Variants in DNAH12 observed in about 807,000 individuals in gnomAD.
DNAH12 encodes axonemal beta dynein heavy chain 12.
In DNAH12, 285 loss-of-function variants were observed where a neutral mutation model predicts 371.5. That is an observed-to-expected ratio of 0.77 (90% CI 0.70 to 0.85). The LOEUF is 0.85. Among genes scored for constraint, DNAH12 ranks in the 40% least tolerant of loss-of-function variants. DNAH12 has a pLI of 0.00. For synonymous variants in DNAH12, 1,200 were observed against 1,213.0 expected, an observed-to-expected ratio of 0.99 and a Z score of 0.22; for missense variants, 3,611 against 3,689.4, an observed-to-expected ratio of 0.98 and a Z score of 0.55.
chr3:57,408,153 T>G, intron 40 of DNAH12, 127 bp downstream of exon 40: 2 of 1,058,946 alleles, frequency 1.9e-6, no homozygotes, highest in East Asian at 5.9e-5. Flanking sequence ...GATCTTCCTA[T>G]TCTCTGGTCT....
At position 57,530,572 on chromosome 3, in the gene DNAH12, C is replaced by A. The variant is rs569264682; in HGVS notation, c.171-6688G>T. 8.1e-5 allele frequency: 54 copies of A among 664,704 alleles called. No homozygotes were observed. In the African/African-American group the frequency reaches 9.3e-4, roughly 11 times the overall value. The allele number at this position is 664,704 out of a possible 1,614,324, so 41.2% of individuals were successfully genotyped here. On this transcript the variant is annotated intron_variant, in intron 2 of 73. Transcript: ENST00000495027. The stretch of plus-strand genomic sequence containing the variant: ...GATTGTTTTTTGTTTAAAATCTCTT[C>A]CTCCTCAGGAGTCAGCTTGGCCCCC...
chr3:57,500,714 T>C (rs904676520), intron 11 of DNAH12, among the ~76,000 whole-genome samples: 2 of 152,176 alleles, frequency 1.3e-5, no homozygotes, highest in East Asian at 1.9e-4. Context: ...AGTTGTTATT[T>C]CCGTGTCAGG....
At chr3:57,440,533 G>A (rs1254370383) in intron 29 of DNAH12, among the ~76,000 whole-genome samples, 2 of 152,298 alleles carry the variant, frequency 1.3e-5, no homozygotes, top group East Asian at 1.9e-4. Context: ...AAGGGGAAGA[G>A]AGAGGGAGGG....
At chr3:57,309,370 G>A (rs1022685944) in intron 68 of DNAH12, 116 bp from the exon 69 acceptor site, 20 of 812,458 alleles carry the variant, frequency 2.5e-5, no homozygotes, top group African/African-American at 8.7e-5. Flanking sequence ...AGCTCATAAC[G>A]TACAGTAATG....
chr3:57,500,238 G>A (rs191664423), intron 11 of DNAH12, among the ~76,000 whole-genome samples: 3 of 151,910 alleles, frequency 2.0e-5, no homozygotes, highest in Admixed American at 6.6e-5. Flanking sequence ...ATGGGGTTTC[G>A]CCATGTTGGC....
chr3:57,345,656 G>C (rs1474187345), intron 60 of DNAH12, among the ~76,000 whole-genome samples: 7 of 152,146 alleles, frequency 4.6e-5, no homozygotes, highest in African/African-American at 1.7e-4. Context: ...GTGTGCCACA[G>C]TTAATTTTAT....
intron 29 of DNAH12, 50 bp from the exon 30 acceptor site, chr3:57,437,110 C>T: frequency 8.9e-7 from 1 of 1,126,606 alleles, no homozygotes. Context: ...TTATAAATGT[C>T]ATACCTGTCT....
At chr3:57,429,145 C>T (rs996888227) in intron 33 of DNAH12, among the ~76,000 whole-genome samples, 5 of 151,382 alleles carry the variant, frequency 3.3e-5, no homozygotes, top group African/African-American at 7.3e-5. Flanking sequence ...CTCCTCTATC[C>T]ATCCTCCTCA....
chr3:57,541,937 G>A (rs150570379), intron 2 of DNAH12, among the ~76,000 whole-genome samples: 64 of 152,170 alleles, frequency 4.2e-4, no homozygotes, highest in African/African-American at 1.4e-3. Flanking sequence ...TGTAGAAAGG[G>A]AAACAGAAAT....
chr3:57,359,665 G>T (rs1376690950), intron 58 of DNAH12, among the ~76,000 whole-genome samples: 1 of 151,540 alleles, frequency 6.6e-6, no homozygotes, highest in East Asian at 1.9e-4. Context: ...TCTGGTCTGT[G>T]ATATTTATAT....
At chr3:57,524,844 A>T (rs1342881141) in intron 2 of DNAH12, among the ~76,000 whole-genome samples, 2 of 152,228 alleles carry the variant, frequency 1.3e-5, no homozygotes, top group Admixed American at 1.3e-4. Context: ...CAAAGGTGAC[A>T]GTGTCAAGTG....
At chr3:57,418,539 CA>C (rs779250987) in intron 37 of DNAH12, among the ~76,000 whole-genome samples, 42 of 100,872 alleles carry the variant, frequency 4.2e-4, no homozygotes, top group African/African-American at 8.7e-4. Context: ...GACCCTGTCT[CA>C]AAAAAAAAAA....
intron 43 of DNAH12, among the ~76,000 whole-genome samples, chr3:57,396,398 A>ATTT (rs1263549371): frequency 1.3e-5 from 2 of 149,198 alleles, no homozygotes; most frequent in Non-Finnish European, 3.0e-5. Flanking sequence ...CATCATCGTG[A>ATTT]TTTTTTTTTT....
rs1207955028 is a variant in DNAH12, at chr3:57,405,045, AATG to A, written c.6676_6678del (p.His2226del). 1.5e-5 allele frequency: 23 copies of A among 1,546,770 alleles called. No individual in the cohort carries two copies. The highest frequency in any genetic ancestry group is 2.0e-5 in the Non-Finnish European group (23 of 1,145,578). The stretch of plus-strand genomic sequence containing the variant: ...AAGCACTGGTCCACAACATCACTAA[AATG>A]ATGAATATTTGGAATTTCAATATAA... On this transcript the variant is annotated inframe_deletion, in exon 42 of 74. Transcript: ENST00000495027.
chr3:57,468,530 G>A lies in DNAH12; in HGVS notation c.2349+206C>T, dbSNP rs1823211. ...CTCAGGAGGCTGAGGTGGGAGGATC[G>A]CTTGAGCCCAGGAGGTGGCAGTGGC... On this transcript the variant is annotated intron_variant, in intron 17 of 73. Transcript: ENST00000495027. 0.47 allele frequency: 122,452 copies of A among 260,774 alleles called. 30,866 individuals carry two copies. Among genetic ancestry groups the A allele is most frequent in the South Asian group, 0.58 (3,673 of 6,384 alleles). 16.2% of individuals were successfully genotyped at this position (260,774 alleles called of 1,614,324 possible). A position where few individuals can be genotyped will look rare whatever the true frequency, so the allele number is the denominator to read the frequency against.
Position 57,397,791 on chromosome 3 carries a change from C to G in DNAH12, c.6949-3459G>C, listed in dbSNP as rs950424674. ...GTCTGAAAGGTCCCAGAACCTCTAG[C>G]TAGGTTGATTGGTGAAGATCTTCCC... is the stretch of plus-strand genomic sequence containing the variant. On this transcript the variant is annotated intron_variant, in intron 43 of 73. Transcript: ENST00000495027. Among the ~76,000 whole-genome samples the G allele has an allele frequency of 1.9e-4, 29 of 152,242 alleles. No homozygotes were observed. The East Asian group carries it at 5.4e-3, about 28-fold the overall frequency.
Position 57,446,283 on chromosome 3 carries a change from A to T in DNAH12, c.3940-13T>A. Reference sequence around the variant, plus strand: ...GTCCTTTAAAAAACTAAGGACAAAGAAAAAGGAAAGTGATTTTTTTCTCAG... The same window carrying T: ...GTCCTTTAAAAAACTAAGGACAAAGTAAAAGGAAAGTGATTTTTTTCTCAG... On this transcript the variant is annotated splice_polypyrimidine_tract_variant and intron_variant, in intron 26 of 73. Transcript: ENST00000495027. 1.9e-6 allele frequency: 3 copies of T among 1,542,702 alleles called. No homozygotes were observed. Among genetic ancestry groups the T allele is most frequent in the East Asian group, 4.9e-5 (2 of 40,812 alleles).
chr3:57,376,116 T>C (rs2063275482), intron 53 of DNAH12, among the ~76,000 whole-genome samples, 151 bp from the exon 54 acceptor site: 1 of 152,104 alleles, frequency 6.6e-6, no homozygotes, highest in African/African-American at 2.4e-5. Flanking sequence ...GGAACCCTTC[T>C]AGCTCTTATA....
Position 57,415,446 on chromosome 3 carries a change from T to C in DNAH12, c.5833A>G (p.Thr1945Ala), listed in dbSNP as rs1437081316. The C allele has an allele frequency of 5.2e-6, 8 of 1,550,054 alleles. No homozygotes were observed. The highest frequency in any genetic ancestry group is 7.0e-6 in the Non-Finnish European group (8 of 1,146,698). The stretch of plus-strand genomic sequence containing the variant: ...CTAACCTGAACCTGATTGGCGCTGG[T>C]CCGTGCAGATAAGTTAATATAAAAA... The part of the protein sequence containing the change: ...FPFYINLSAR[T>A]SANQVQNIIM... The change falls in exon 38 of 74, where the codon ACC becomes GCC. Residue 1945 changes from threonine (T) to alanine (A), a missense_variant. Coordinates refer to ENST00000495027, the MANE Select transcript of DNAH12 (RefSeq NM_001366028.2).
Sources: gnomAD v4.1 joint callset for allele counts (sites outside exome capture counted in the v4.1 genomes callset) on GRCh38, gnomAD v4.1.1 for gene constraint, MANE v1.5 for transcripts, NCBI Gene and HGNC (gene_info 2026-07-23, HGNC 2026-07-21) for gene names.